RASSF8: variants seen among roughly 807,000 people sequenced by gnomAD.
RASSF8 encodes the protein Ras association domain family member 8.
Under a neutral mutation model 48.5 loss-of-function variants are expected in RASSF8, and 22 were observed. That is an observed-to-expected ratio of 0.45 (90% CI 0.32 to 0.65). RASSF8 has a LOEUF of 0.65. RASSF8 is among the 30% of genes least tolerant of loss of function. The pLI is 0.03. For missense variants in RASSF8, 418 were observed against 489.2 expected, an observed-to-expected ratio of 0.85 and a Z score of 1.37; for synonymous variants, 127 against 171.5, an observed-to-expected ratio of 0.74 and a Z score of 2.03.
chr12:26,007,836 G>T (rs1472012773), intron 2 of RASSF8, among the ~76,000 whole-genome samples: 3 of 152,198 alleles, frequency 2.0e-5, no homozygotes, highest in African/African-American at 7.2e-5. Context: ...TGGAGGATAA[G>T]CAGAAGTAGT....
chr12:25,959,912 C>T (rs11609554), intron 1 of RASSF8: 10,712 of 152,100 alleles, frequency 0.07, 413 homozygotes, highest in Middle Eastern at 0.14. Flanking sequence ...AACAGTGCAA[C>T]GTAGGATATA....
At chr12:26,055,588 G>A in intron 3 of RASSF8, 142 bp downstream of exon 3, 1 of 724,996 alleles carries the variant, frequency 1.4e-6, no homozygotes, top group South Asian at 1.7e-5. Flanking sequence ...ACTTATTACA[G>A]TTTGCCTGTG....
At chr12:25,996,989 A>T (rs1942149168) in intron 2 of RASSF8, among the ~76,000 whole-genome samples, 3 of 152,090 alleles carry the variant, frequency 2.0e-5, no homozygotes, top group Admixed American at 2.0e-4. Flanking sequence ...TAAAATTTTT[A>T]ATTTCTTGCA....
In RASSF8 at chr12:26,064,972, T is replaced by A; in HGVS notation, c.578T>A (p.Phe193Tyr). The stretch of plus-strand genomic sequence containing the variant: ...GAATCTAATGAAATAGAAATAAGAT[T>A]TTGGGAGCAAAAGTATAATTCCAAC... The part of the protein sequence containing the change: ...QLESNEIEIR[F>Y]WEQKYNSNLE... The change falls in exon 4 of 6, where the codon TTT becomes TAT. Residue 193 changes from phenylalanine to tyrosine, a missense_variant. By Grantham distance (22) the Phe-to-Tyr change is conservative (BLOSUM62 3). Transcript: ENST00000689635. 1 of 1,613,602 alleles carries A rather than the reference T, an allele frequency of 6.2e-7. No homozygotes were observed. The highest frequency in any genetic ancestry group is 8.5e-7 in the Non-Finnish European group (1 of 1,179,886).
intron 1 of RASSF8, among the ~76,000 whole-genome samples, chr12:25,983,298 A>T (rs936527034): frequency 1.3e-5 from 2 of 152,270 alleles, no homozygotes; most frequent in African/African-American, 2.4e-5. Flanking sequence ...ATTGGAATTT[A>T]AAAACCAGCA....
chr12:26,073,776 C>CACACACACAT (rs1244639136), downstream of RASSF8, among the ~76,000 whole-genome samples: 9 of 115,260 alleles, frequency 7.8e-5, no homozygotes, highest in African/African-American at 3.1e-4. Flanking sequence ...CACACACACA[C>CACACACACAT]ATATATATAT....
chr12:26,040,268 G>A (rs1283584159), intron 2 of RASSF8, among the ~76,000 whole-genome samples: 1 of 152,146 alleles, frequency 6.6e-6, no homozygotes, highest in African/African-American at 2.4e-5. Flanking sequence ...GGCTCCTTGG[G>A]TTGGAACCAG....
At chr12:26,067,204 T>C (rs1205966793) in intron 4 of RASSF8, among the ~76,000 whole-genome samples, 1 of 152,230 alleles carries the variant, frequency 6.6e-6, no homozygotes, top group East Asian at 1.9e-4. Flanking sequence ...GGGTTTTTTC[T>C]TTTTATTTTC....
At chr12:25,976,021 T>A (rs929122167) in intron 1 of RASSF8, among the ~76,000 whole-genome samples, 1 of 152,086 alleles carries the variant, frequency 6.6e-6, no homozygotes, top group East Asian at 1.9e-4. Flanking sequence ...CACCCAGAAA[T>A]TTTGGACCTT....
chr12:26,069,609 A>G lies in RASSF8; in HGVS notation c.*791A>G. 1 of 985,402 alleles carries G rather than the reference A, an allele frequency of 1.0e-6. No homozygotes were observed. Among genetic ancestry groups the G allele is most frequent in the South Asian group, 4.7e-5 (1 of 21,290 alleles). 61.0% of individuals were successfully genotyped at this position (985,402 alleles called of 1,614,324 possible). On this transcript the variant is annotated 3_prime_UTR_variant, in exon 6 of 6. Coordinates refer to ENST00000689635, the MANE Select transcript of RASSF8 (RefSeq NM_001394098.1). ...ATCCAAACAGGCATGGGGTTTCCTG[A>G]TACATTATGTGTTTTGTTTCTGCCC... is the stretch of plus-strand genomic sequence containing the variant.
intron 2 of RASSF8, among the ~76,000 whole-genome samples, chr12:26,003,298 T>C (rs34762179): frequency 0.053 from 8,084 of 152,336 alleles, 325 homozygotes; most frequent in Middle Eastern, 0.085. Flanking sequence ...ATGCCTGATA[T>C]AAAACCCATT....
At chr12:25,977,801 A>G (rs1038426344) in intron 1 of RASSF8, among the ~76,000 whole-genome samples, 7 of 152,236 alleles carry the variant, frequency 4.6e-5, no homozygotes, top group African/African-American at 1.7e-4. Flanking sequence ...GGCAAAGATA[A>G]CTAGTTTTTA....
At position 26,071,525 on chromosome 12, in the gene RASSF8, T is replaced by TCTC. The variant is rs753216315; in HGVS notation, c.*2707_*2708insCTC. 1.0e-4 allele frequency: 101 copies of TCTC among 973,040 alleles called. No homozygotes were observed. The highest frequency in any genetic ancestry group is 1.1e-4 in the Non-Finnish European group (93 of 818,712). 60.3% of individuals were successfully genotyped at this position (973,040 alleles called of 1,614,324 possible). A position where few individuals can be genotyped will look rare whatever the true frequency, so the allele number is the denominator to read the frequency against. The stretch of plus-strand genomic sequence containing the variant: ...TGGAATAGCATTGGTATATTTGACC[T>TCTC]TTTGAGTGTCTGTCATCCTCAGAGA... On this transcript the variant is annotated 3_prime_UTR_variant, in exon 6 of 6. Coordinates refer to ENST00000689635, the MANE Select transcript of RASSF8 (RefSeq NM_001394098.1).
intron 2 of RASSF8, among the ~76,000 whole-genome samples, chr12:26,035,604 T>A (rs1444955511): frequency 1.4e-5 from 2 of 141,320 alleles, no homozygotes; most frequent in East Asian, 2.0e-4. Flanking sequence ...GTATACATAA[T>A]TATATATATA....
intron 1 of RASSF8, among the ~76,000 whole-genome samples, chr12:25,973,062 CAG>C (rs1358674317): frequency 6.6e-6 from 1 of 151,930 alleles, no homozygotes; most frequent in African/African-American, 2.4e-5. Flanking sequence ...TGTTTTGAGA[CAG>C]GGTCTCACTC....
intron 1 of RASSF8, among the ~76,000 whole-genome samples, chr12:25,973,455 C>G (rs1014901269): frequency 2.0e-5 from 3 of 152,164 alleles, no homozygotes; most frequent in African/African-American, 7.2e-5. Context: ...TGCTCATCAT[C>G]CATCCGTCAG....
intron 1 of RASSF8, among the ~76,000 whole-genome samples, chr12:25,984,571 G>T (rs1168113142): frequency 6.6e-6 from 1 of 152,136 alleles, no homozygotes; most frequent in African/African-American, 2.4e-5. Flanking sequence ...TCGACCTCTT[G>T]ACCTCATGAT....
At chr12:26,007,824 G>A (rs1003347605) in intron 2 of RASSF8, among the ~76,000 whole-genome samples, 3 of 152,202 alleles carry the variant, frequency 2.0e-5, no homozygotes, top group Admixed American at 6.5e-5. Flanking sequence ...TAAAGTTCTA[G>A]TTGGAGGATA....
intron 2 of RASSF8, among the ~76,000 whole-genome samples, chr12:26,051,760 A>G (rs1231079118): frequency 6.6e-6 from 1 of 152,204 alleles, no homozygotes; most frequent in Non-Finnish European, 1.5e-5. Context: ...TTGTCAATAA[A>G]CTATCTGGAG....
Sources: allele counts gnomAD v4.1 joint callset (sites outside exome capture counted in the v4.1 genomes callset), GRCh38; gene constraint gnomAD v4.1.1; transcripts MANE v1.5; gene names NCBI Gene and HGNC (gene_info 2026-07-23, HGNC 2026-07-21).